VCL: variants seen among roughly 807,000 people sequenced by gnomAD.
VCL encodes vinculin, also known as epididymis luminal protein 114.
In VCL, 47 loss-of-function variants were observed where a neutral mutation model predicts 125.7. The observed-to-expected ratio is 0.37, with a 90% CI of 0.30 to 0.48. VCL has a LOEUF of 0.48. VCL is among the 20% of genes least tolerant of loss of function. VCL has a pLI of 0.99. For synonymous variants in VCL, 458 were observed against 514.6 expected, an observed-to-expected ratio of 0.89 and a Z score of 1.49; for missense variants, 1,069 against 1,455.5, an observed-to-expected ratio of 0.73 and a Z score of 4.32.
At chr10:74,104,881 T>A in intron 15 of VCL, 170 bp from the exon 16 acceptor site, 1 of 768,430 alleles carries the variant, frequency 1.3e-6, no homozygotes. Flanking sequence ...CACTGTTTTT[T>A]TTAACTGTGG....
rs564978287 is a variant in VCL at position 74,056,447 on chromosome 10, C to T, written c.239+13294C>T. The stretch of plus-strand genomic sequence containing the variant: ...AGTGTCCTGTACTATCACTGTTTGG[C>T]CTTGATAAGAACAAGAAGTCCACTT... On this transcript the variant is annotated intron_variant, in intron 2 of 21. Transcript: ENST00000211998. Among the ~76,000 whole-genome samples the T allele has an allele frequency of 2.6e-5, 4 of 151,960 alleles. No individual in the cohort carries two copies. The South Asian group carries it at 8.3e-4, about 32-fold the overall frequency.
intron 21 of VCL, among the ~76,000 whole-genome samples, chr10:74,117,070 CGTTT>C (rs1424794091): frequency 4.6e-5 from 7 of 152,228 alleles, no homozygotes; most frequent in South Asian, 4.1e-4. Flanking sequence ...TAAGTTTGTG[CGTTT>C]GTTTGAAAGA....
intron 1 of VCL, among the ~76,000 whole-genome samples, chr10:74,035,555 T>C (rs1840958286): frequency 6.6e-6 from 1 of 152,220 alleles, no homozygotes; most frequent in Non-Finnish European, 1.5e-5. Flanking sequence ...TCTTATCTCA[T>C]TCTCTTCCCA....
intron 1 of VCL, among the ~76,000 whole-genome samples, chr10:74,030,295 A>G (rs1840850928): frequency 6.6e-6 from 1 of 152,226 alleles, no homozygotes; most frequent in Non-Finnish European, 1.5e-5. Flanking sequence ...CTAATTGTCA[A>G]GAAAGTCCCA....
intron 1 of VCL, among the ~76,000 whole-genome samples, chr10:74,029,279 A>G (rs1840829359): frequency 6.6e-6 from 1 of 151,562 alleles, no homozygotes. Flanking sequence ...ATGCCCGGCT[A>G]ATTTTTTGTA....
intron 14 of VCL, 68 bp downstream of exon 14, chr10:74,101,165 A>G: frequency 1.9e-6 from 3 of 1,561,936 alleles, no homozygotes; most frequent in Admixed American, 3.8e-5. Flanking sequence ...GTTTCTATAC[A>G]TTTTTGAATA....
At chr10:74,104,889 T>C (rs1840108392) in intron 15 of VCL, 162 bp from the exon 16 acceptor site, 2 of 789,028 alleles carry the variant, frequency 2.5e-6, no homozygotes, top group Non-Finnish European at 4.0e-6. Context: ...TTTTTAACTG[T>C]GGTGTTTACC....
At chr10:74,032,943 T>C (rs1299674400) in intron 1 of VCL, among the ~76,000 whole-genome samples, 1 of 152,180 alleles carries the variant, frequency 6.6e-6, no homozygotes, top group Admixed American at 6.5e-5. Context: ...GAATGTTAAA[T>C]GGTTTAGCCT....
At chr10:74,084,735 C>A (rs772972533) in intron 8 of VCL, among the ~76,000 whole-genome samples, 1 of 152,146 alleles carries the variant, frequency 6.6e-6, no homozygotes, top group Non-Finnish European at 1.5e-5. Flanking sequence ...GCCTCAGCCT[C>A]CTGAGTAGCT....
At chr10:74,108,855 T>A in intron 17 of VCL, 116 bp from the exon 18 acceptor site, 1 of 1,126,904 alleles carries the variant, frequency 8.9e-7, no homozygotes, top group Non-Finnish European at 1.3e-6. Flanking sequence ...GTGTGGGTGG[T>A]CTTATGTGGA....
At position 74,113,586 on chromosome 10, in the gene VCL, T is replaced by C. The variant is rs914527117; in HGVS notation, c.2950-598T>C. Among the ~76,000 whole-genome samples, 31 of 152,246 alleles carry C rather than the reference T, an allele frequency of 2.0e-4. No homozygotes were observed. In the East Asian group the frequency reaches 5.8e-3, roughly 28 times the overall value. The stretch of plus-strand genomic sequence containing the variant: ...GCTAGATCAGAAAATATCTTTTTTT[T>C]TTTTTTCCCTCACCCAGCTGAGAAT... On this transcript the variant is annotated intron_variant, in intron 19 of 21. Transcript: ENST00000211998.
chr10:74,023,012 G>C (rs188113393), intron 1 of VCL, among the ~76,000 whole-genome samples: 17 of 152,212 alleles, frequency 1.1e-4, no homozygotes, highest in Admixed American at 3.3e-4. Context: ...GTTTCAGATG[G>C]TTTTCATTTA....
chr10:74,094,177 T>C, intron 10 of VCL, 94 bp from the exon 11 acceptor site: 2 of 1,486,036 alleles, frequency 1.3e-6, no homozygotes, highest in Non-Finnish European at 1.8e-6. Context: ...TCAGGAGCAA[T>C]TTGTCATCCT....
intron 1 of VCL, among the ~76,000 whole-genome samples, chr10:74,011,490 T>G (rs1217119103): frequency 1.3e-5 from 2 of 152,190 alleles, no homozygotes; most frequent in Non-Finnish European, 2.9e-5. Context: ...GTGGGTTTTA[T>G]TCTTCATATT....
intron 1 of VCL, among the ~76,000 whole-genome samples, chr10:74,015,929 C>T (rs531308863): frequency 2.0e-5 from 3 of 152,172 alleles, no homozygotes; most frequent in African/African-American, 4.8e-5. Context: ...AAGTGACCTG[C>T]CCACCTCAGC....
intron 1 of VCL, among the ~76,000 whole-genome samples, chr10:74,040,820 T>C (rs1425230142): frequency 6.6e-6 from 1 of 152,206 alleles, no homozygotes; most frequent in Non-Finnish European, 1.5e-5. Context: ...TCCCTGAGAA[T>C]AGTTTATTGT....
intron 2 of VCL, chr10:74,063,881 T>C (rs979442385): frequency 5.9e-5 from 9 of 152,178 alleles, no homozygotes; most frequent in African/African-American, 1.7e-4. Context: ...GCTTTTTTTT[T>C]CCACACCAAC....
chr10:74,082,568 T>C (rs1384124453), intron 7 of VCL, 24 bp downstream of exon 7: 2 of 1,610,646 alleles, frequency 1.2e-6, no homozygotes, highest in Non-Finnish European at 1.7e-6. Context: ...TCTGCTTTTC[T>C]GATCAATACA....
intron 1 of VCL, among the ~76,000 whole-genome samples, chr10:74,017,488 A>G (rs1293621575): frequency 6.6e-6 from 1 of 151,438 alleles, no homozygotes; most frequent in East Asian, 1.9e-4. Context: ...TATGTTTAAT[A>G]TCTTAAGAGG....
Sources: gnomAD v4.1 joint callset for allele counts (sites outside exome capture counted in the v4.1 genomes callset) on GRCh38, gnomAD v4.1.1 for gene constraint, MANE v1.5 for transcripts, NCBI Gene and HGNC (gene_info 2026-07-23, HGNC 2026-07-21) for gene names.